Variants in PPP3R1 observed in about 807,000 individuals in gnomAD.
PPP3R1 encodes the protein protein phosphatase 3 regulatory subunit B, alpha, also known as calcineurin subunit B type 1.
A neutral mutation model predicts 22.6 loss-of-function variants in PPP3R1; 5 were observed. That is an observed-to-expected ratio of 0.22 (90% CI 0.12 to 0.46). PPP3R1 has a LOEUF of 0.46. Among genes scored for constraint, PPP3R1 ranks in the 20% least tolerant of loss-of-function variants. PPP3R1 has a pLI of 0.99. For synonymous variants in PPP3R1, 56 were observed against 65.2 expected (o/e 0.86, Z 0.68); for missense variants, 61 against 203.2 (o/e 0.30, Z 4.25).
At chr2:68,235,225 T>G (rs903211646) in intron 1 of PPP3R1, among the ~76,000 whole-genome samples, 5 of 152,158 alleles carry the variant, frequency 3.3e-5, no homozygotes, top group Non-Finnish European at 7.4e-5. Flanking sequence ...GAAATATAAT[T>G]TATATACCAC....
chr2:68,187,185 A>C, intron 4 of PPP3R1, 70 bp downstream of exon 4: 1 of 1,222,594 alleles, frequency 8.2e-7, no homozygotes, highest in Non-Finnish European at 1.1e-6. Flanking sequence ...TTATTTTAAA[A>C]AGCATTCTAT....
chr2:68,245,856 A>G (rs1670225737), intron 1 of PPP3R1, among the ~76,000 whole-genome samples: 1 of 152,154 alleles, frequency 6.6e-6, no homozygotes, highest in Non-Finnish European at 1.5e-5. Flanking sequence ...CTAAACTCTT[A>G]TATGACCTAC....
At position 68,252,432 on chromosome 2, in the gene PPP3R1, C is replaced by A; in HGVS notation, c.-305G>T. 2.0e-6 allele frequency: 2 copies of A among 993,050 alleles called. No homozygotes were observed. The highest frequency in any genetic ancestry group is 2.4e-6 in the Non-Finnish European group (2 of 835,862). 61.5% of individuals were successfully genotyped at this position (993,050 alleles called of 1,614,324 possible). A position where few individuals can be genotyped will look rare whatever the true frequency, so the allele number is the denominator to read the frequency against. ...AAGAAGAAAGGAGGGGGAGAGGGGG[C>A]GAAGACGGCCGGGAAACTCGGGGGC... is the stretch of plus-strand genomic sequence containing the variant. On this transcript the variant is annotated 5_prime_UTR_variant, in exon 1 of 6. Transcript: ENST00000234310.
At chr2:68,247,924 C>T (rs1261296653) in intron 1 of PPP3R1, among the ~76,000 whole-genome samples, 2 of 152,172 alleles carry the variant, frequency 1.3e-5, no homozygotes, top group Admixed American at 6.5e-5. Flanking sequence ...ATTCATCTAT[C>T]CTATTATCCA....
chr2:68,182,079 C>T, intron 5 of PPP3R1, among the ~76,000 whole-genome samples: 1 of 37,534 alleles, frequency 2.7e-5, no homozygotes, highest in South Asian at 9.0e-4. Flanking sequence ...CAACCCCCCC[C>T]TCCCCCCACC....
chr2:68,180,763 T>C lies in PPP3R1; in HGVS notation c.*200A>G. 2 of 541,462 alleles carry C rather than the reference T, an allele frequency of 3.7e-6. No individual in the cohort carries two copies. The highest frequency in any genetic ancestry group is 6.2e-5 in the East Asian group (2 of 32,328). 33.5% of individuals were successfully genotyped at this position (541,462 alleles called of 1,614,324 possible). The stretch of plus-strand genomic sequence containing the variant: ...TTTCATGTTGCTGTCCTTCAGACTT[T>C]AAAGTGCTACACTGAGTTATTGAGA... On this transcript the variant is annotated 3_prime_UTR_variant, in exon 6 of 6. Transcript: ENST00000234310.
At chr2:68,188,099 G>A (rs1201489283) in intron 3 of PPP3R1, among the ~76,000 whole-genome samples, 3 of 152,176 alleles carry the variant, frequency 2.0e-5, no homozygotes, top group Non-Finnish European at 1.5e-5. Flanking sequence ...GAACTCAGGA[G>A]GCGGAGGCTG....
At chr2:68,236,822 G>C (rs1670027801) in intron 1 of PPP3R1, among the ~76,000 whole-genome samples, 2 of 152,060 alleles carry the variant, frequency 1.3e-5, no homozygotes, top group African/African-American at 4.8e-5. Context: ...GTATGCAAGA[G>C]CCATTGAGAT....
At chr2:68,198,470 T>TATGTATATACATATATACGTATATAC (rs1674882040) in intron 2 of PPP3R1, among the ~76,000 whole-genome samples, 2 of 149,846 alleles carry the variant, frequency 1.3e-5, no homozygotes, top group African/African-American at 4.9e-5. Flanking sequence ...TACGTATATA[T>TATGTATATACATATATACGTATATAC]GCGTATGTAT....
At chr2:68,249,861 C>T (rs1362092432) in intron 1 of PPP3R1, among the ~76,000 whole-genome samples, 1 of 152,074 alleles carries the variant, frequency 6.6e-6, no homozygotes, top group Admixed American at 6.5e-5. Flanking sequence ...ATATTTCATA[C>T]TGTAAATGCT....
At chr2:68,244,835 T>A (rs1670204825) in intron 1 of PPP3R1, among the ~76,000 whole-genome samples, 1 of 152,040 alleles carries the variant, frequency 6.6e-6, no homozygotes, top group African/African-American at 2.4e-5. Flanking sequence ...CTTCACATAC[T>A]CCTTCAAATA....
intron 1 of PPP3R1, among the ~76,000 whole-genome samples, chr2:68,241,848 A>C (rs1186243756): frequency 6.6e-6 from 1 of 151,576 alleles, no homozygotes; most frequent in Non-Finnish European, 1.5e-5. Context: ...CATCTCAAAA[A>C]AAAAAAAAAA....
At chr2:68,185,465 ATAT>A (rs972340753) in intron 5 of PPP3R1, among the ~76,000 whole-genome samples, 2 of 147,686 alleles carry the variant, frequency 1.4e-5, no homozygotes, top group Non-Finnish European at 3.0e-5. Context: ...TATAATTTAT[ATAT>A]TATATATATG....
chr2:68,233,330 A>G (rs1669955000), intron 1 of PPP3R1, among the ~76,000 whole-genome samples: 1 of 152,208 alleles, frequency 6.6e-6, no homozygotes, highest in South Asian at 2.1e-4. Context: ...ATATGCTTTT[A>G]TAAGTAATTA....
intron 1 of PPP3R1, among the ~76,000 whole-genome samples, chr2:68,239,540 T>C (rs573298137): frequency 6.8e-4 from 103 of 152,270 alleles, no homozygotes; most frequent in Admixed American, 1.2e-3. Context: ...TTAGTTGAGT[T>C]TGAGGTGTCT....
chr2:68,211,233 T>C (rs1235544890), intron 2 of PPP3R1, among the ~76,000 whole-genome samples: 2 of 151,818 alleles, frequency 1.3e-5, no homozygotes, highest in Non-Finnish European at 2.9e-5. Context: ...AATGAAACCC[T>C]GTCTCTACTA....
chr2:68,232,124 T>TATACACACACACACACAC (rs1553408863), intron 1 of PPP3R1, among the ~76,000 whole-genome samples: 2 of 97,990 alleles, frequency 2.0e-5, no homozygotes, highest in African/African-American at 8.3e-5. Context: ...TATATATATA[T>TATACACACACACACACAC]ACACACACAC....
intron 2 of PPP3R1, among the ~76,000 whole-genome samples, chr2:68,211,169 G>A (rs1275985122): frequency 6.6e-6 from 1 of 152,142 alleles, no homozygotes; most frequent in Non-Finnish European, 1.5e-5. Flanking sequence ...CACTTTGGGA[G>A]GCCGAGACAG....
chr2:68,205,624 C>G (rs1165289021), intron 2 of PPP3R1, among the ~76,000 whole-genome samples: 2 of 152,170 alleles, frequency 1.3e-5, no homozygotes, highest in East Asian at 3.9e-4. Context: ...ATCAAATAAT[C>G]AGTGTTCAAA....
Sources: gnomAD v4.1 joint callset for allele counts (sites outside exome capture counted in the v4.1 genomes callset) on GRCh38, gnomAD v4.1.1 for gene constraint, MANE v1.5 for transcripts, NCBI Gene and HGNC (gene_info 2026-07-23, HGNC 2026-07-21) for gene names.